Variants in UBN1 observed in about 807,000 individuals in gnomAD.
The protein encoded by UBN1 is ubinuclein-1.
Under a neutral mutation model 108.5 loss-of-function variants are expected in UBN1, and 17 were observed. That is an observed-to-expected ratio of 0.16 (90% CI 0.11 to 0.24). UBN1 has a LOEUF of 0.24. UBN1 is among the 10% of genes least tolerant of loss of function. UBN1 has a pLI of 1.00. For missense variants in UBN1, 1,595 were observed against 1,394.4 expected (o/e 1.14, Z -2.29); for synonymous variants, 726 against 564.2 (o/e 1.29, Z -4.07).
At position 4,854,106 on chromosome 16, in the gene UBN1, TC is replaced by T. The variant is rs1218526549; in HGVS notation, c.249+941del. Reference sequence around the variant, plus strand: ...TGGAGTGCAGTGGCACCATCTTGTCTCAGTGCAACCTCTGCCTCCCGGGTTC... The same window carrying T: ...TGGAGTGCAGTGGCACCATCTTGTCTAGTGCAACCTCTGCCTCCCGGGTTC... On this transcript the variant is annotated intron_variant, in intron 2 of 17. Coordinates refer to ENST00000262376, the MANE Select transcript of UBN1 (RefSeq NM_001079514.3). Among the ~76,000 whole-genome samples, 5 of 152,186 alleles carry T rather than the reference TC, an allele frequency of 3.3e-5. No individual in the cohort carries two copies. In the East Asian group the frequency reaches 5.8e-4, roughly 18 times the overall value.
chr16:4,863,320 A>C (rs2087160251), intron 7 of UBN1, among the ~76,000 whole-genome samples: 1 of 152,182 alleles, frequency 6.6e-6, no homozygotes, highest in African/African-American at 2.4e-5. Flanking sequence ...AGGGCCCTGC[A>C]CTTGGGGCAC....
At chr16:4,861,170 T>C (rs918081931) in intron 7 of UBN1, 68 bp downstream of exon 7, 46 of 1,482,510 alleles carry the variant, frequency 3.1e-5, no homozygotes, top group African/African-American at 5.6e-5. Context: ...GGTTCTGCAC[T>C]GCGTGAAGCT....
chr16:4,870,398 G>A lies in UBN1; in HGVS notation c.1311+57G>A, dbSNP rs2087568021. On this transcript the variant is annotated intron_variant, in intron 9 of 17. Transcript: ENST00000262376. ...TTGGGGTCCTGGCGGAGGGGTGACTGAGTCTTAAGCAATGATGCGTCTGCT... is the reference window on the plus strand; with the variant it reads ...TTGGGGTCCTGGCGGAGGGGTGACTAAGTCTTAAGCAATGATGCGTCTGCT... 21 of 1,611,052 alleles carry A rather than the reference G, an allele frequency of 1.3e-5. No homozygotes were observed. The South Asian group carries it at 2.2e-4, about 17-fold the overall frequency.
chr16:4,872,227 G>A (rs1459475679), intron 12 of UBN1: 2 of 985,226 alleles, frequency 2.0e-6, no homozygotes, highest in Non-Finnish European at 2.4e-6. Context: ...GAGTTTCTCT[G>A]GACAAAGACA....
In UBN1 at chr16:4,876,888, T is replaced by A. The variant is rs375321855; in HGVS notation, c.3042T>A (p.Thr1014=). The change falls in exon 16 of 18, where the codon ACT becomes ACA. Residue 1014 remains threonine, a synonymous_variant. Coordinates refer to ENST00000262376, the MANE Select transcript of UBN1 (RefSeq NM_001079514.3). The part of the protein sequence containing the change: ...STSLSKGASG[T]VLLAGSSLMA... ...TTCCCTAGAAAGGAGCGAGTGGGAC[T>A]GTGCTGCTGGCCGGCTCCTCTTTGA... 95 of 1,608,614 alleles carry A rather than the reference T, an allele frequency of 5.9e-5. No homozygotes were observed. The highest frequency in any genetic ancestry group is 7.8e-5 in the Non-Finnish European group (92 of 1,177,092).
chr16:4,868,474 T>C (rs2087443442), intron 7 of UBN1, among the ~76,000 whole-genome samples: 1 of 152,218 alleles, frequency 6.6e-6, no homozygotes, highest in Non-Finnish European at 1.5e-5. Flanking sequence ...ATTTTTGTAC[T>C]GTAGATACAT....
chr16:4,865,849 C>T (rs528927370), intron 7 of UBN1, among the ~76,000 whole-genome samples: 1 of 152,182 alleles, frequency 6.6e-6, no homozygotes, highest in East Asian at 1.9e-4. Flanking sequence ...GTAATCCCAG[C>T]TACTCAGGAG....
intron 7 of UBN1, among the ~76,000 whole-genome samples, chr16:4,864,693 A>G (rs1207244312): frequency 6.6e-6 from 1 of 152,170 alleles, no homozygotes. Flanking sequence ...GGGCTGGACA[A>G]ATAACCCAGA....
chr16:4,854,757 C>G (rs1263769187), intron 2 of UBN1, among the ~76,000 whole-genome samples: 2 of 151,572 alleles, frequency 1.3e-5, no homozygotes, highest in East Asian at 1.9e-4. Context: ...GAGTCTCGCT[C>G]TGTCGCCCAG....
chr16:4,855,887 C>T (rs1256401806), intron 2 of UBN1, among the ~76,000 whole-genome samples: 1 of 152,254 alleles, frequency 6.6e-6, no homozygotes, highest in Admixed American at 6.5e-5. Flanking sequence ...CCACTGTACT[C>T]CAGCCTGGGT....
chr16:4,848,667 G>C (rs977658707), intron 1 of UBN1, among the ~76,000 whole-genome samples: 2 of 152,218 alleles, frequency 1.3e-5, no homozygotes, highest in East Asian at 1.9e-4. Context: ...CATTTACTGC[G>C]TGTGTATTTT....
At position 4,877,556 on chromosome 16, in the gene UBN1, G is replaced by A. The variant is rs1289602022; in HGVS notation, c.3355+82G>A. ...CCTAGGTGCTTTGCCGCTGCCAAGG[G>A]TCTTGGTGTCTTTGCCTTGACGCTG... On this transcript the variant is annotated intron_variant, in intron 17 of 17. Transcript: ENST00000262376. This position sits in a 1 kb window ranked among gnomAD's most constrained non-coding sequence, Gnocchi z 4.3. 1 of 1,486,006 alleles carries A rather than the reference G, an allele frequency of 6.7e-7. No individual in the cohort carries two copies. The highest frequency in any genetic ancestry group is 8.9e-7 in the Non-Finnish European group (1 of 1,122,164). The allele number at this position is 1,486,006 out of a possible 1,614,324, so 92.1% of individuals were successfully genotyped here.
At chr16:4,866,863 A>C (rs1216934850) in intron 7 of UBN1, among the ~76,000 whole-genome samples, 2 of 152,212 alleles carry the variant, frequency 1.3e-5, no homozygotes, top group Non-Finnish European at 2.9e-5. Flanking sequence ...GACCCGATAG[A>C]TACGCAGACA....
intron 8 of UBN1, among the ~76,000 whole-genome samples, chr16:4,869,541 C>T (rs1431841370): frequency 2.0e-5 from 3 of 152,216 alleles, no homozygotes; most frequent in Non-Finnish European, 4.4e-5. Context: ...TGTTGCTCAA[C>T]AGCTGAGGAG....
intron 1 of UBN1, among the ~76,000 whole-genome samples, chr16:4,850,166 A>C (rs1286690773): frequency 6.6e-6 from 1 of 152,186 alleles, no homozygotes; most frequent in East Asian, 1.9e-4. Context: ...GCTTAGTAAC[A>C]GCAGAACATT....
At chr16:4,863,520 A>G (rs1417169589) in intron 7 of UBN1, among the ~76,000 whole-genome samples, 2 of 152,234 alleles carry the variant, frequency 1.3e-5, no homozygotes, top group South Asian at 2.1e-4. Context: ...TGAAATGGAC[A>G]TCGCATTTTT....
chr16:4,866,586 T>TA (rs1166784455), intron 7 of UBN1, among the ~76,000 whole-genome samples: 1 of 152,236 alleles, frequency 6.6e-6, no homozygotes, highest in Non-Finnish European at 1.5e-5. Context: ...GATCTTGCCT[T>TA]ACTGCAACCT....
intron 1 of UBN1, 177 bp from the exon 2 acceptor site, chr16:4,852,702 C>G (rs1233363106): frequency 3.4e-6 from 2 of 582,736 alleles, no homozygotes; most frequent in East Asian, 3.5e-5. Context: ...GTGACTATCT[C>G]TGAATGATTG....
At position 4,874,904 on chromosome 16, in the gene UBN1, G is replaced by C. The variant is rs146192777; in HGVS notation, c.2494G>C (p.Ala832Pro). ...TGCCAATAAGCTCCAAGGCCCAAAG[G>C]CTTCTCCCACACAGTGTCATCGTTC... Reference protein sequence around the residue: ...PFANKLQGPKASPTQCHRSLL... With the variant: ...PFANKLQGPKPSPTQCHRSLL... The change falls in exon 15 of 18, where the codon GCT becomes CCT. Residue 832 changes from alanine to proline, a missense_variant. Around this residue, in one of 3 missense-constraint regions of UBN1, gnomAD observed 1,398 missense variants for 1,194.7 expected, o/e 1.17. Transcript: ENST00000262376. 6.4e-4 allele frequency: 1,029 copies of C among 1,614,092 alleles called. 6 individuals are homozygous for C. In the African/African-American group the frequency reaches 0.01, roughly 16 times the overall value.
Sources: allele counts gnomAD v4.1 joint callset (sites outside exome capture counted in the v4.1 genomes callset), GRCh38; gene constraint gnomAD v4.1.1; regional missense constraint gnomAD v4.1.1; non-coding constraint Gnocchi (gnomAD v3.1); transcripts MANE v1.5; gene names NCBI Gene and HGNC (gene_info 2026-07-23, HGNC 2026-07-21).